Variants in HCN1 observed in about 807,000 individuals in gnomAD.
The protein encoded by HCN1 is potassium/sodium hyperpolarization-activated cyclic nucleotide-gated channel 1.
Under a neutral mutation model 78.9 loss-of-function variants are expected in HCN1, and 13 were observed. That is an observed-to-expected ratio of 0.16 (90% CI 0.11 to 0.26). The LOEUF (loss-of-function observed/expected upper bound fraction) is 0.26, where lower values mean the gene tolerates loss of function less well. HCN1 is among the 10% of genes least tolerant of loss of function. HCN1 has a pLI of 1.00. For missense variants in HCN1, 810 were observed against 1,154.3 expected, an observed-to-expected ratio of 0.70 and a Z score of 4.32; for synonymous variants, 552 against 455.5, an observed-to-expected ratio of 1.21 and a Z score of -2.70.
chr5:45,390,035 T>G (rs1302794932), intron 4 of HCN1, among the ~76,000 whole-genome samples: 3 of 152,180 alleles, frequency 2.0e-5, no homozygotes, highest in Non-Finnish European at 4.4e-5. Context: ...ATTAGACTAT[T>G]CAATATGTCT....
intron 2 of HCN1, among the ~76,000 whole-genome samples, chr5:45,630,168 C>G (rs924155314): frequency 6.6e-6 from 1 of 152,090 alleles, no homozygotes; most frequent in South Asian, 2.1e-4. Context: ...TTATAGCACA[C>G]GCCAATCAAT....
intron 1 of HCN1, among the ~76,000 whole-genome samples, chr5:45,693,713 G>A (rs1739955532): frequency 6.6e-6 from 1 of 152,064 alleles, no homozygotes; most frequent in Admixed American, 6.6e-5. Flanking sequence ...CCTGAAAAGT[G>A]GCCCTATGTT....
chr5:45,692,166 A>G (rs2112104148), intron 1 of HCN1, among the ~76,000 whole-genome samples: 1 of 152,332 alleles, frequency 6.6e-6, no homozygotes, highest in African/African-American at 2.4e-5. Context: ...TGCTTGCATA[A>G]TAAAAATCAT....
At chr5:45,695,520 TG>T in intron 1 of HCN1, 148 bp downstream of exon 1, 1 of 708,392 alleles carries the variant, frequency 1.4e-6, no homozygotes, top group Non-Finnish European at 2.3e-6. Context: ...AGGCGCCGAG[TG>T]GAGCCTGCTT....
chr5:45,505,715 C>T (rs1457262291), intron 2 of HCN1, among the ~76,000 whole-genome samples: 2 of 152,068 alleles, frequency 1.3e-5, no homozygotes, highest in African/African-American at 2.4e-5. Flanking sequence ...GAAAAGCACA[C>T]ATATGGAAGC....
intron 3 of HCN1, among the ~76,000 whole-genome samples, chr5:45,426,610 G>A (rs1740352770): frequency 6.6e-6 from 1 of 152,064 alleles, no homozygotes; most frequent in Non-Finnish European, 1.5e-5. Flanking sequence ...ATGATTGTGA[G>A]GCCTCCTCAG....
At chr5:45,344,697 C>T (rs1374837828) in intron 5 of HCN1, among the ~76,000 whole-genome samples, 1 of 152,218 alleles carries the variant, frequency 6.6e-6, no homozygotes, top group Non-Finnish European at 1.5e-5. Context: ...ACATCCAGGG[C>T]ATGCTGATGC....
intron 2 of HCN1, among the ~76,000 whole-genome samples, chr5:45,611,497 C>A (rs890867141): frequency 4.0e-5 from 6 of 151,822 alleles, no homozygotes; most frequent in Non-Finnish European, 7.4e-5. Flanking sequence ...GTCTTGAACT[C>A]CTGAGCTCAA....
chr5:45,337,054 T>C (rs1403051719), intron 5 of HCN1, among the ~76,000 whole-genome samples: 2 of 152,048 alleles, frequency 1.3e-5, no homozygotes, highest in African/African-American at 4.8e-5. Context: ...TTCTATCTAT[T>C]CCATGAATGT....
chr5:45,626,857 A>T (rs770144033), intron 2 of HCN1, among the ~76,000 whole-genome samples: 17 of 151,960 alleles, frequency 1.1e-4, no homozygotes, highest in Non-Finnish European at 2.4e-4. Flanking sequence ...AAATAAAAAT[A>T]AAAAAACCTC....
At chr5:45,608,854 G>T (rs1744777242) in intron 2 of HCN1, among the ~76,000 whole-genome samples, 1 of 151,918 alleles carries the variant, frequency 6.6e-6, no homozygotes, top group African/African-American at 2.4e-5. Context: ...AATGCAAGCT[G>T]CAAACTAGTT....
At chr5:45,270,075 A>G (rs1243446156) in intron 6 of HCN1, among the ~76,000 whole-genome samples, 1 of 152,196 alleles carries the variant, frequency 6.6e-6, no homozygotes, top group Non-Finnish European at 1.5e-5. Flanking sequence ...CAGCACTTCA[A>G]TGATGCCAAG....
intron 2 of HCN1, among the ~76,000 whole-genome samples, chr5:45,567,005 G>A (rs1743721235): frequency 6.6e-6 from 1 of 152,164 alleles, no homozygotes; most frequent in Non-Finnish European, 1.5e-5. Context: ...GAGGAATTGA[G>A]TTGCTGCAAG....
chr5:45,481,674 T>C (rs6886307), intron 2 of HCN1, among the ~76,000 whole-genome samples: 151,973 of 152,274 alleles, frequency 1, 75,836 homozygotes, highest in East Asian at 1. Flanking sequence ...TGAAGACTTT[T>C]TTGGTGGTAT....
intron 2 of HCN1, among the ~76,000 whole-genome samples, chr5:45,633,415 AC>A (rs1274154255): frequency 6.6e-6 from 1 of 151,956 alleles, no homozygotes; most frequent in Non-Finnish European, 1.5e-5. Flanking sequence ...CCAAAACATC[AC>A]TATTCCCCAC....
At chr5:45,286,780 C>T (rs1433247479) in intron 6 of HCN1, among the ~76,000 whole-genome samples, 1 of 151,848 alleles carries the variant, frequency 6.6e-6, no homozygotes, top group Admixed American at 6.6e-5. Context: ...GTATGAGGTA[C>T]AAAGACAATT....
chr5:45,318,426 G>C (rs1404752472), intron 5 of HCN1, among the ~76,000 whole-genome samples: 3 of 151,990 alleles, frequency 2.0e-5, no homozygotes. Flanking sequence ...GGGTGGGGGA[G>C]GGAGGAAGGA....
intron 2 of HCN1, among the ~76,000 whole-genome samples, chr5:45,557,316 T>C (rs76435499): frequency 0.017 from 2,570 of 152,206 alleles, 66 homozygotes; most frequent in African/African-American, 0.058. Flanking sequence ...GCCATGTACA[T>C]TTTTAGTGGG....
At chr5:45,473,746 T>G (rs1016637822) in intron 2 of HCN1, among the ~76,000 whole-genome samples, 1 of 151,838 alleles carries the variant, frequency 6.6e-6, no homozygotes, top group Non-Finnish European at 1.5e-5. Flanking sequence ...TCTTTACTAA[T>G]GTCTAATTTT....
Sources: gnomAD v4.1 joint callset for allele counts (sites outside exome capture counted in the v4.1 genomes callset) on GRCh38, gnomAD v4.1.1 for gene constraint, MANE v1.5 for transcripts, NCBI Gene and HGNC (gene_info 2026-07-23, HGNC 2026-07-21) for gene names.